POFUT3: variants seen among roughly 807,000 people sequenced by gnomAD.
POFUT3 encodes the protein GDP-fucose protein O-fucosyltransferase 3.
At chr8:33,329,353 A>G in the POFUT3 span, among the ~76,000 whole-genome samples, 1 of 152,236 alleles carries the variant, frequency 6.6e-6, no homozygotes, top group Non-Finnish European at 1.5e-5. Flanking sequence ...TTATTTTCAA[A>G]TACATTTCCA....
the POFUT3 span, among the ~76,000 whole-genome samples, chr8:33,318,528 CAT>C: frequency 8.7e-6 from 1 of 114,600 alleles, no homozygotes; most frequent in Non-Finnish European, 1.7e-5. Flanking sequence ...TTATAATAAT[CAT>C]AATATAATTA....
chr8:33,351,716 G>T, the POFUT3 span, among the ~76,000 whole-genome samples: 2 of 152,064 alleles, frequency 1.3e-5, no homozygotes, highest in African/African-American at 4.8e-5. Context: ...CAACACAAAA[G>T]GACTAAAACA....
At chr8:33,457,886 T>A in the POFUT3 span, among the ~76,000 whole-genome samples, 2 of 134,426 alleles carry the variant, frequency 1.5e-5, no homozygotes, top group African/African-American at 2.8e-5. Flanking sequence ...ATGTTTTAGC[T>A]TAAGTGTAGG....
chr8:33,359,263 CAA>C, the POFUT3 span, among the ~76,000 whole-genome samples: 1 of 152,036 alleles, frequency 6.6e-6, no homozygotes, highest in Non-Finnish European at 1.5e-5. Context: ...TAAACTTCTT[CAA>C]AAAAAGATGT....
the POFUT3 span, among the ~76,000 whole-genome samples, chr8:33,353,832 G>A: frequency 6.6e-6 from 1 of 152,246 alleles, no homozygotes. Context: ...AAAGCCCAAA[G>A]CTTGCAACAT....
chr8:33,325,171 CTCT>C, the POFUT3 span, among the ~76,000 whole-genome samples: 1 of 152,186 alleles, frequency 6.6e-6, no homozygotes, highest in Non-Finnish European at 1.5e-5. Context: ...TCTTCCCTTT[CTCT>C]GTCTCAATCA....
At chr8:33,344,939 T>C in the POFUT3 span, among the ~76,000 whole-genome samples, 1 of 152,244 alleles carries the variant, frequency 6.6e-6, no homozygotes, top group Non-Finnish European at 1.5e-5. Context: ...TTTTTATAAC[T>C]GTGACACCCT....
chr8:33,382,087 C>T, the POFUT3 span, among the ~76,000 whole-genome samples: 1 of 152,108 alleles, frequency 6.6e-6, no homozygotes, highest in Non-Finnish European at 1.5e-5. Flanking sequence ...GAGCTAAGGA[C>T]TTCGAGACCA....
chr8:33,357,255 C>T, the POFUT3 span, among the ~76,000 whole-genome samples: 1 of 152,066 alleles, frequency 6.6e-6, no homozygotes, highest in Admixed American at 6.6e-5. Context: ...CTATAAATTA[C>T]CTTGGGCAGT....
the POFUT3 span, among the ~76,000 whole-genome samples, chr8:33,399,664 T>TTA: frequency 7.3e-5 from 11 of 151,400 alleles, no homozygotes; most frequent in Admixed American, 1.3e-4. Flanking sequence ...ATTTATTTGT[T>TTA]TTTTTTTTGA....
the POFUT3 span, among the ~76,000 whole-genome samples, chr8:33,454,099 C>A: frequency 4.3e-4 from 66 of 152,134 alleles, no homozygotes; most frequent in Non-Finnish European, 7.8e-4. Context: ...TGGTATCCAG[C>A]CTGGGCAACA....
chr8:33,343,730 G>A, the POFUT3 span, among the ~76,000 whole-genome samples: 1 of 152,200 alleles, frequency 6.6e-6, no homozygotes, highest in South Asian at 2.1e-4. Context: ...CTTGATGCTA[G>A]AGGTTTCCTA....
the POFUT3 span, among the ~76,000 whole-genome samples, chr8:33,384,959 A>T: frequency 6.6e-6 from 1 of 152,218 alleles, no homozygotes; most frequent in Non-Finnish European, 1.5e-5. Flanking sequence ...CAGTGGGCAC[A>T]GCAGTCACTG....
At chr8:33,323,744 G>C in the POFUT3 span, among the ~76,000 whole-genome samples, 2 of 152,172 alleles carry the variant, frequency 1.3e-5, no homozygotes, top group African/African-American at 2.4e-5. Context: ...TCTCTTGTCA[G>C]AAACCTTATA....
At chr8:33,351,019 A>G in the POFUT3 span, among the ~76,000 whole-genome samples, 1 of 152,174 alleles carries the variant, frequency 6.6e-6, no homozygotes, top group East Asian at 1.9e-4. Context: ...TCTGTTGCCC[A>G]GGCTGGAGTG....
At chr8:33,371,099 A>G in the POFUT3 span, 1 of 152,204 alleles carries the variant, frequency 6.6e-6, no homozygotes, top group Admixed American at 6.5e-5. Flanking sequence ...GGGAAAAAAA[A>G]GAAAAAAACC....
At chr8:33,414,168 G>A in the POFUT3 span, among the ~76,000 whole-genome samples, 3 of 152,080 alleles carry the variant, frequency 2.0e-5, no homozygotes, top group South Asian at 4.2e-4. Flanking sequence ...ACCACCAAGA[G>A]GCGATTAAAA....
the POFUT3 span, among the ~76,000 whole-genome samples, chr8:33,356,709 C>A: frequency 6.6e-6 from 1 of 151,558 alleles, no homozygotes; most frequent in Admixed American, 6.6e-5. Context: ...GCTTTTGTTG[C>A]CATTGCTTTT....
At chr8:33,407,021 C>A in the POFUT3 span, among the ~76,000 whole-genome samples, 10 of 152,148 alleles carry the variant, frequency 6.6e-5, no homozygotes, top group Non-Finnish European at 8.8e-5. Context: ...TAAAAGTTCA[C>A]AGATAAACTT....
Sources: gnomAD v4.1 joint callset for allele counts (sites outside exome capture counted in the v4.1 genomes callset) on GRCh38, gnomAD v4.1.1 for gene constraint, MANE v1.5 for transcripts, NCBI Gene and HGNC (gene_info 2026-07-23, HGNC 2026-07-21) for gene names.